The following EML4 variants were observed in gnomAD, a reference collection of about 807,000 sequenced individuals.
EML4 encodes the protein echinoderm microtubule-associated protein-like 4.
Under a neutral mutation model 129.0 loss-of-function variants are expected in EML4, and 72 were observed. The ratio of observed to expected loss-of-function variants is 0.56; its 90% CI spans 0.46 to 0.68. EML4 has a LOEUF of 0.68. EML4 is among the 30% of genes least tolerant of loss of function. The pLI is 0.00. For missense variants in EML4, 1,363 were observed against 1,190.6 expected, an observed-to-expected ratio of 1.14 and a Z score of -2.13; for synonymous variants, 532 against 405.0, an observed-to-expected ratio of 1.31 and a Z score of -3.77.
chr2:42,329,609 G>T, intron 22 of EML4, 125 bp from the exon 23 acceptor site: 1 of 707,494 alleles, frequency 1.4e-6, no homozygotes. Flanking sequence ...GATGACTTCT[G>T]GCTTTAAATT....
Sources: allele counts gnomAD v4.1 joint callset, GRCh38; gene constraint gnomAD v4.1.1; transcripts MANE v1.5; gene names NCBI Gene and HGNC (gene_info 2026-07-23, HGNC 2026-07-21).